ITGA2: variants seen among roughly 807,000 people sequenced by gnomAD.
The protein encoded by ITGA2 is integrin subunit alpha 2.
Under a neutral mutation model 146.3 loss-of-function variants are expected in ITGA2, and 101 were observed. That is an observed-to-expected ratio of 0.69 (90% CI 0.59 to 0.81). The LOEUF (loss-of-function observed/expected upper bound fraction) is 0.81, where lower values mean the gene tolerates loss of function less well. ITGA2 is among the 40% of genes least tolerant of loss of function. The pLI is 0.00. For missense variants in ITGA2, 1,281 were observed against 1,402.7 expected, an observed-to-expected ratio of 0.91 and a Z score of 1.39; for synonymous variants, 477 against 487.1, an observed-to-expected ratio of 0.98 and a Z score of 0.27.
chr5:53,029,022 A>G (rs1424056469), intron 2 of ITGA2, among the ~76,000 whole-genome samples: 1 of 152,162 alleles, frequency 6.6e-6, no homozygotes, highest in Non-Finnish European at 1.5e-5. Flanking sequence ...CTGTAATTCC[A>G]GCACTTTGGG....
chr5:53,055,960 A>AC, intron 8 of ITGA2, 24 bp from the exon 9 acceptor site: 1 of 1,603,084 alleles, frequency 6.2e-7, no homozygotes, highest in South Asian at 1.1e-5. Context: ...TAATGACTGC[A>AC]CATTCTCTTC....
At chr5:53,082,591 T>G (rs3212620) in intron 26 of ITGA2, among the ~76,000 whole-genome samples, 1 of 152,050 alleles carries the variant, frequency 6.6e-6, no homozygotes, top group Non-Finnish European at 1.5e-5. Context: ...ATATACCCCC[T>G]GTCCCACACA....
intron 23 of ITGA2, among the ~76,000 whole-genome samples, chr5:53,078,330 A>G (rs1745754170): frequency 6.6e-6 from 1 of 152,156 alleles, no homozygotes; most frequent in African/African-American, 2.4e-5. Context: ...GAAGGAGCTC[A>G]ATACCCTATT....
At chr5:53,011,735 G>A (rs1054724200) in intron 1 of ITGA2, among the ~76,000 whole-genome samples, 3 of 143,706 alleles carry the variant, frequency 2.1e-5, no homozygotes, top group Non-Finnish European at 3.1e-5. Flanking sequence ...GAATATGTGA[G>A]TGGGGGGGAG....
chr5:53,048,529 G>C, intron 5 of ITGA2, 52 bp downstream of exon 5: 1 of 1,608,348 alleles, frequency 6.2e-7, no homozygotes, highest in South Asian at 1.1e-5. Context: ...GTTAAAGGAG[G>C]GGGAAAAGGT....
Position 53,089,929 on chromosome 5 carries a change from TG to T in ITGA2, c.3349-16del. ...TTGTGGTATTAAAATAACTCAACTGTGAACTGACATTTCCAGATTCCCCTGA... is the reference window on the plus strand; with the variant it reads ...TTGTGGTATTAAAATAACTCAACTGTAACTGACATTTCCAGATTCCCCTGA... On this transcript the variant is annotated splice_polypyrimidine_tract_variant and intron_variant, in intron 28 of 29. Coordinates refer to ENST00000296585, the MANE Select transcript of ITGA2 (RefSeq NM_002203.4). The T allele has an allele frequency of 6.8e-7, 1 of 1,464,602 alleles. No individual in the cohort carries two copies. The highest frequency in any genetic ancestry group is 9.6e-7 in the Non-Finnish European group (1 of 1,043,804). 90.7% of individuals were successfully genotyped at this position (1,464,602 alleles called of 1,614,324 possible).
chr5:53,006,043 C>T (rs539962938), intron 1 of ITGA2, among the ~76,000 whole-genome samples: 1 of 152,042 alleles, frequency 6.6e-6, no homozygotes, highest in Non-Finnish European at 1.5e-5. Context: ...AGGGGAACAA[C>T]ACACACTGGG....
At chr5:53,078,037 A>T (rs1405741613) in intron 23 of ITGA2, among the ~76,000 whole-genome samples, 1 of 152,048 alleles carries the variant, frequency 6.6e-6, no homozygotes, top group East Asian at 1.9e-4. Flanking sequence ...GGAGGTCCCC[A>T]GTTTCATTCT....
chr5:53,090,392 C>T, intron 29 of ITGA2, 127 bp from the exon 30 acceptor site: 2 of 790,592 alleles, frequency 2.5e-6, no homozygotes, highest in Non-Finnish European at 4.5e-6. Flanking sequence ...CATCAGTCTG[C>T]ACACCTCCCT....
At position 53,075,048 on chromosome 5, in the gene ITGA2, A is replaced by AT; in HGVS notation, c.2665-9dup. On this transcript the variant is annotated splice_polypyrimidine_tract_variant and intron_variant, in intron 21 of 29. Coordinates refer to ENST00000296585, the MANE Select transcript of ITGA2 (RefSeq NM_002203.4). ...AAGCATCATAGACTGAGAAATTTTA[A>AT]TTTTGTCTTTAGGTGACTTTTACTA... is the stretch of plus-strand genomic sequence containing the variant. The AT allele has an allele frequency of 6.3e-7, 1 of 1,585,480 alleles. No homozygotes were observed. The highest frequency in any genetic ancestry group is 8.6e-7 in the Non-Finnish European group (1 of 1,156,206).
intron 13 of ITGA2, among the ~76,000 whole-genome samples, chr5:53,063,376 T>G (rs1262907191): frequency 6.6e-6 from 1 of 151,926 alleles, no homozygotes; most frequent in Non-Finnish European, 1.5e-5. Flanking sequence ...TCTCAGATGC[T>G]TCCTACATTA....
In ITGA2 at chr5:53,083,430, A is replaced by C; in HGVS notation, c.3235A>C (p.Ile1079Leu). The change falls in exon 27 of 30, where the codon ATT becomes CTT. Residue 1079 changes from isoleucine to leucine, a missense_variant. Transcript: ENST00000296585. ...GEYFVNVTTR[I>L]WNGTFASSTF... Reference sequence around the variant, plus strand: ...ATACTTTGTTAATGTGACTACCAGAATTTGGAACGGGACTTTCGCATCAGT... The same window carrying C: ...ATACTTTGTTAATGTGACTACCAGACTTTGGAACGGGACTTTCGCATCAGT... 6.2e-7 allele frequency: 1 copy of C among 1,608,674 alleles called. No individual in the cohort carries two copies. Among genetic ancestry groups the C allele is most frequent in the Non-Finnish European group, 8.5e-7 (1 of 1,175,124 alleles).
At chr5:53,023,556 G>C (rs1742789103) in intron 1 of ITGA2, among the ~76,000 whole-genome samples, 1 of 152,072 alleles carries the variant, frequency 6.6e-6, no homozygotes, top group Non-Finnish European at 1.5e-5. Context: ...GGAGATTTTA[G>C]TTTTATTTAT....
intron 1 of ITGA2, among the ~76,000 whole-genome samples, chr5:53,014,680 CTCT>C (rs1385130429): frequency 6.6e-6 from 1 of 152,120 alleles, no homozygotes; most frequent in African/African-American, 2.4e-5. Flanking sequence ...ATGGTACCAG[CTCT>C]TCTTTATACA....
rs180910294 is a variant in ITGA2, at chr5:53,050,452, C to T, written c.631-959C>T. Among the ~76,000 whole-genome samples, 168 of 152,270 alleles carry T rather than the reference C, an allele frequency of 1.1e-3. 1 individual carries two copies. Among genetic ancestry groups the T allele is most frequent in the Non-Finnish European group, 2.0e-3 (134 of 68,028 alleles). Reference sequence around the variant, plus strand: ...TTTCCTCCCTCTCAAGTCTTACATCCCTAGAGAAAGGGGTCCAGGAATATT... The same window carrying T: ...TTTCCTCCCTCTCAAGTCTTACATCTCTAGAGAAAGGGGTCCAGGAATATT... On this transcript the variant is annotated intron_variant, in intron 6 of 29. Coordinates refer to ENST00000296585, the MANE Select transcript of ITGA2 (RefSeq NM_002203.4).
chr5:53,006,906 G>A (rs1005424160), intron 1 of ITGA2, among the ~76,000 whole-genome samples: 4 of 152,102 alleles, frequency 2.6e-5, no homozygotes, highest in Non-Finnish European at 5.9e-5. Context: ...AGAGGTTCTG[G>A]ATTAATCACT....
At chr5:53,060,788 A>G (rs1009344259) in intron 11 of ITGA2, 113 bp from the exon 12 acceptor site, 2 of 996,592 alleles carry the variant, frequency 2.0e-6, no homozygotes, top group Non-Finnish European at 3.2e-6. Context: ...AGCACTAGAA[A>G]CTTTGCATCA....
intron 2 of ITGA2, among the ~76,000 whole-genome samples, 188 bp from the exon 3 acceptor site, chr5:53,041,924 G>C (rs1393703629): frequency 6.6e-6 from 1 of 152,156 alleles, no homozygotes; most frequent in Non-Finnish European, 1.5e-5. Flanking sequence ...TGGCAATGCA[G>C]CAGTGTTACA....
At position 53,089,975 on chromosome 5, in the gene ITGA2, G is replaced by A; in HGVS notation, c.3378G>A (p.Glu1126=). ...TIPLMIMKPD[E]KAEVPTGVII... ...CCCTGATGATAATGAAACCTGATGAGAAAGCCGAAGTACCAACAGGAGTTA... is the reference window on the plus strand; with the variant it reads ...CCCTGATGATAATGAAACCTGATGAAAAAGCCGAAGTACCAACAGGAGTTA... The change falls in exon 29 of 30, where the codon GAG becomes GAA. Residue 1126 remains glutamate (E), a synonymous_variant. Transcript: ENST00000296585. 1 of 1,612,248 alleles carries A rather than the reference G, an allele frequency of 6.2e-7. No homozygotes were observed. The highest frequency in any genetic ancestry group is 8.5e-7 in the Non-Finnish European group (1 of 1,178,354).
Sources: allele counts gnomAD v4.1 joint callset (sites outside exome capture counted in the v4.1 genomes callset), GRCh38; gene constraint gnomAD v4.1.1; transcripts MANE v1.5; gene names NCBI Gene and HGNC (gene_info 2026-07-23, HGNC 2026-07-21).